The following MAP3K1 variants were observed in gnomAD, a reference collection of about 807,000 sequenced individuals.
MAP3K1 encodes mitogen-activated protein kinase kinase kinase 1, also known as MAP/ERK kinase kinase 1.
A neutral mutation model predicts 144.2 loss-of-function variants in MAP3K1; 36 were observed. The observed-to-expected ratio is 0.25, with a 90% CI of 0.19 to 0.33. The LOEUF is 0.33. Among genes scored for constraint, MAP3K1 ranks in the 10% least tolerant of loss-of-function variants. The pLI, the probability that MAP3K1 is intolerant of heterozygous loss-of-function variation, is 1.00. For synonymous variants in MAP3K1, 718 were observed against 688.7 expected (o/e 1.04, Z -0.67); for missense variants, 1,650 against 1,881.9 (o/e 0.88, Z 2.28).
intron 1 of MAP3K1, among the ~76,000 whole-genome samples, chr5:56,840,876 T>G (rs1334737978): frequency 6.6e-6 from 1 of 151,974 alleles, no homozygotes; most frequent in African/African-American, 2.4e-5. Context: ...TAAGGTTTTT[T>G]TTTTTTTTTT....
At chr5:56,857,784 A>C (rs993058420) in intron 2 of MAP3K1, among the ~76,000 whole-genome samples, 3 of 152,142 alleles carry the variant, frequency 2.0e-5, no homozygotes, top group African/African-American at 4.8e-5. Context: ...CTCGTGTCTG[A>C]CTTAAATAAC....
At chr5:56,817,562 T>TA (rs1406899095) in intron 1 of MAP3K1, among the ~76,000 whole-genome samples, 2 of 152,372 alleles carry the variant, frequency 1.3e-5, no homozygotes, top group East Asian at 3.9e-4. Context: ...TTGTGACTGA[T>TA]ACAGTTTTGT....
intron 19 of MAP3K1, among the ~76,000 whole-genome samples, chr5:56,889,285 C>T (rs1007431800): frequency 2.0e-5 from 3 of 150,320 alleles, no homozygotes; most frequent in Non-Finnish European, 3.0e-5. Flanking sequence ...TCTCCTGCCT[C>T]AGCCTCCCAG....
chr5:56,880,968 A>G, intron 12 of MAP3K1, 115 bp from the exon 13 acceptor site: 1 of 1,083,486 alleles, frequency 9.2e-7, no homozygotes, highest in South Asian at 1.4e-5. Context: ...TGAGAGAGAA[A>G]TTCTTTAAAA....
At chr5:56,828,697 A>C (rs1318916632) in intron 1 of MAP3K1, among the ~76,000 whole-genome samples, 1 of 151,700 alleles carries the variant, frequency 6.6e-6, no homozygotes, top group Admixed American at 6.5e-5. Context: ...ATACTACCTT[A>C]GGGGGCAGTT....
chr5:56,815,928 C>G lies in MAP3K1; in HGVS notation c.355C>G (p.Arg119Gly). ...AVPPPHGAAS[R>G]GGAHLTESVA... ...GCCGCCGCCCCACGGAGCCGCGAGC[C>G]GCGGCGGCGCCCACCTTACCGAGTC... The change falls in exon 1 of 20, where the codon CGC becomes GGC. Residue 119 changes from arginine (R) to glycine (G), a missense_variant. Transcript: ENST00000399503. 6.3e-6 allele frequency: 8 copies of G among 1,260,472 alleles called. No individual in the cohort carries two copies. The highest frequency in any genetic ancestry group is 8.0e-6 in the Non-Finnish European group (8 of 1,005,460). The allele number at this position is 1,260,472 out of a possible 1,614,324, so 78.1% of individuals were successfully genotyped here.
At position 56,815,698 on chromosome 5, in the gene MAP3K1, G is replaced by T. The variant is rs1329531831; in HGVS notation, c.125G>T (p.Gly42Val). 1 of 1,322,126 alleles carries T rather than the reference G, an allele frequency of 7.6e-7. No individual in the cohort carries two copies. The highest frequency in any genetic ancestry group is 9.6e-7 in the Non-Finnish European group (1 of 1,038,514). The allele number at this position is 1,322,126 out of a possible 1,614,324, so 81.9% of individuals were successfully genotyped here. A position where few individuals can be genotyped will look rare whatever the true frequency, so the allele number is the denominator to read the frequency against. ...AGCAGCGCGCCCGCGGCTGCCGCGG[G>T]ACTGCTGCGGGAGGCGGGCAGCGGG... Reference protein sequence around the residue: ...KASSAPAAAAGLLREAGSGGR... With the variant: ...KASSAPAAAAVLLREAGSGGR... The change falls in exon 1 of 20, where the codon GGA becomes GTA. Residue 42 changes from glycine (G) to valine (V), a missense_variant. Physicochemically the swap from Gly to Val is moderately radical, Grantham distance 109. Coordinates refer to ENST00000399503, the MANE Select transcript of MAP3K1 (RefSeq NM_005921.2).
At chr5:56,880,499 A>G (rs1447363148) in intron 11 of MAP3K1, among the ~76,000 whole-genome samples, 16 of 152,214 alleles carry the variant, frequency 1.1e-4, no homozygotes, top group Non-Finnish European at 1.3e-4. Flanking sequence ...TGTGCTTAAC[A>G]TAGGGGATAT....
intron 1 of MAP3K1, among the ~76,000 whole-genome samples, chr5:56,825,918 C>G (rs534626099): frequency 6.6e-6 from 1 of 152,104 alleles, no homozygotes; most frequent in African/African-American, 2.4e-5. Context: ...GGTCTGCTCC[C>G]GTCATTTCAG....
At chr5:56,873,132 TC>T in intron 9 of MAP3K1, 127 bp downstream of exon 9, 1 of 841,276 alleles carries the variant, frequency 1.2e-6, no homozygotes, top group Non-Finnish European at 1.9e-6. Context: ...TGACCTTCAT[TC>T]CACTGGAAAT....
intron 1 of MAP3K1, among the ~76,000 whole-genome samples, chr5:56,826,961 G>A (rs1746336036): frequency 1.3e-5 from 2 of 152,282 alleles, no homozygotes; most frequent in South Asian, 2.1e-4. Context: ...ACTGTGAGTC[G>A]GGGAGGCATC....
intron 19 of MAP3K1, among the ~76,000 whole-genome samples, chr5:56,891,907 CACCAGT>C (rs1748560246): frequency 1.3e-5 from 2 of 152,066 alleles, no homozygotes; most frequent in Admixed American, 1.3e-4. Flanking sequence ...TCTGTTTTGG[CACCAGT>C]ACCATGCTGT....
chr5:56,887,095 T>C (rs981227723), intron 17 of MAP3K1, among the ~76,000 whole-genome samples: 5 of 152,244 alleles, frequency 3.3e-5, no homozygotes, highest in Non-Finnish European at 5.9e-5. Context: ...AAATTTGGTT[T>C]TCTGTCATTA....
At chr5:56,888,197 A>G (rs770153307) in intron 18 of MAP3K1, 29 bp from the exon 19 acceptor site, 2 of 1,609,286 alleles carry the variant, frequency 1.2e-6, no homozygotes, top group Non-Finnish European at 1.7e-6. Context: ...AATGAGTCCT[A>G]TTTCCAAATT....
At chr5:56,828,693 C>T (rs977947825) in intron 1 of MAP3K1, among the ~76,000 whole-genome samples, 5 of 152,032 alleles carry the variant, frequency 3.3e-5, no homozygotes, top group Non-Finnish European at 5.9e-5. Context: ...GCAAATACTA[C>T]CTTAGGGGGC....
intron 1 of MAP3K1, among the ~76,000 whole-genome samples, chr5:56,819,199 G>C (rs1183687043): frequency 6.6e-6 from 1 of 152,128 alleles, no homozygotes; most frequent in Non-Finnish European, 1.5e-5. Context: ...TTTCATATCT[G>C]ATTTTGGCAA....
At chr5:56,871,882 T>G in intron 6 of MAP3K1, 28 bp from the exon 7 acceptor site, 2 of 1,610,046 alleles carry the variant, frequency 1.2e-6, no homozygotes, top group Non-Finnish European at 1.7e-6. Flanking sequence ...CTTTTATGCT[T>G]AATACTTTTT....
At position 56,883,573 on chromosome 5, in the gene MAP3K1, G is replaced by A. The variant is rs201104771; in HGVS notation, c.3713G>A (p.Arg1238Lys). 187 of 1,614,122 alleles carry A rather than the reference G, an allele frequency of 1.2e-4. 2 individuals carry two copies. In the East Asian group the frequency reaches 4.1e-3, roughly 36 times the overall value. ...PGHTKAKQPY[R>K]EDTEWLKGQQ... ...CATACCAAAGCAAAACAACCGTATAGAGAAGACACTGAATGGCTGAAAGGT... is the reference window on the plus strand; with the variant it reads ...CATACCAAAGCAAAACAACCGTATAAAGAAGACACTGAATGGCTGAAAGGT... Residue 1238 changes from arginine to lysine, a missense_variant, in exon 15 of 20, where the codon AGA becomes AAA. This residue lies in a region of MAP3K1 where 841 missense variants were observed against 886.5 expected (regional missense o/e 0.95). Coordinates refer to ENST00000399503, the MANE Select transcript of MAP3K1 (RefSeq NM_005921.2).
chr5:56,882,016 C>G lies in MAP3K1; in HGVS notation c.2816C>G (p.Ser939Cys), dbSNP rs45556841. The G allele has an allele frequency of 0.021, 31,801 of 1,544,892 alleles. 402 individuals carry two copies. Among genetic ancestry groups the G allele is most frequent in the Middle Eastern group, 0.038 (228 of 5,966 alleles). ...ERLASISVGP[S>C]SSTTTTTTTT... ...CTGGCCAGCATTTCAGTAGGACCTT[C>G]TAGTTCAACAACAACAACAACAACA... The change falls in exon 14 of 20, where the codon TCT becomes TGT. Residue 939 changes from serine (S) to cysteine (C), a missense_variant. By Grantham distance (112) the Ser-to-Cys change is moderately radical (BLOSUM62 -1). This residue lies in a region of MAP3K1 where 841 missense variants were observed against 886.5 expected (regional missense o/e 0.95). Transcript: ENST00000399503.
Sources: gnomAD v4.1 joint callset for allele counts (sites outside exome capture counted in the v4.1 genomes callset) on GRCh38, gnomAD v4.1.1 for gene constraint, gnomAD v4.1.1 regional missense constraint, MANE v1.5 for transcripts, NCBI Gene and HGNC (gene_info 2026-07-23, HGNC 2026-07-21) for gene names.